Variants in DENND2B observed in about 807,000 individuals in gnomAD.
DENND2B encodes DENN domain containing 2B, also known as DENN domain-containing protein 2B.
DENND2B carries 32 observed loss-of-function variants against 116.0 expected under a neutral mutation model. The observed-to-expected ratio is 0.28, with a 90% CI of 0.21 to 0.37. The LOEUF (loss-of-function observed/expected upper bound fraction) is 0.37, where lower values mean the gene tolerates loss of function less well. DENND2B is among the 10% of genes least tolerant of loss of function. DENND2B has a pLI of 1.00. For synonymous variants in DENND2B, 588 were observed against 583.9 expected (o/e 1.01, Z -0.10); for missense variants, 1,276 against 1,477.7 (o/e 0.86, Z 2.24).
chr11:8,805,999 C>T (rs1026536636), intron 1 of DENND2B, among the ~76,000 whole-genome samples: 2 of 152,136 alleles, frequency 1.3e-5, no homozygotes, highest in African/African-American at 4.8e-5. Flanking sequence ...AGGGCCTGCA[C>T]GACACTGTCA....
At chr11:8,799,106 G>A (rs1338865170) in intron 1 of DENND2B, among the ~76,000 whole-genome samples, 1 of 152,200 alleles carries the variant, frequency 6.6e-6, no homozygotes, top group Non-Finnish European at 1.5e-5. Context: ...ACAGGCCTGA[G>A]CCATTGCACC....
At chr11:8,789,956 G>C (rs1468152281) in intron 1 of DENND2B, among the ~76,000 whole-genome samples, 1 of 152,116 alleles carries the variant, frequency 6.6e-6, no homozygotes, top group Admixed American at 6.6e-5. Flanking sequence ...TTTTGGGGTG[G>C]TCTGGTAGGC....
intron 15 of DENND2B, 71 bp downstream of exon 15, chr11:8,699,142 G>A (rs2041018002): frequency 3.3e-6 from 5 of 1,515,790 alleles, no homozygotes; most frequent in Non-Finnish European, 4.4e-6. Context: ...AGGCCGAGGG[G>A]CCACAAGTAA....
chr11:8,901,524 C>T (rs2064171768), intron 1 of DENND2B, among the ~76,000 whole-genome samples: 1 of 152,080 alleles, frequency 6.6e-6, no homozygotes, highest in African/African-American at 2.4e-5. Context: ...GCCAGCATGC[C>T]CGGCTCCTAG....
At chr11:8,721,418 G>T (rs1165628613) in intron 4 of DENND2B, among the ~76,000 whole-genome samples, 1 of 152,136 alleles carries the variant, frequency 6.6e-6, no homozygotes, top group East Asian at 1.9e-4. Flanking sequence ...ATACGCACAG[G>T]CACTGAGAAT....
chr11:8,732,425 A>C (rs1361725632), intron 2 of DENND2B, among the ~76,000 whole-genome samples: 1 of 152,090 alleles, frequency 6.6e-6, no homozygotes, highest in Admixed American at 6.6e-5. Context: ...CACTGGGCTG[A>C]CTCTCTGAAG....
At chr11:8,839,009 C>A (rs2062530378) in intron 4 of DENND2B, among the ~76,000 whole-genome samples, 1 of 152,154 alleles carries the variant, frequency 6.6e-6, no homozygotes, top group African/African-American at 2.4e-5. Context: ...TGAACTGAAA[C>A]CTGGCTTAGA....
intron 3 of DENND2B, among the ~76,000 whole-genome samples, chr11:8,844,324 C>T (rs959025427): frequency 1.3e-5 from 2 of 152,134 alleles, no homozygotes; most frequent in East Asian, 3.9e-4. Flanking sequence ...GGCTTGAGCC[C>T]GGGAGATCGA....
rs200165373 is a variant in DENND2B at position 8,730,145 on chromosome 11, G to A, written c.1145C>T (p.Pro382Leu). The A allele has an allele frequency of 1.2e-6, 2 of 1,614,096 alleles. No homozygotes were observed. The highest frequency in any genetic ancestry group is 1.3e-5 in the African/African-American group (1 of 74,936). The change falls in exon 3 of 20, where the codon CCC becomes CTC. Residue 382 changes from proline (P) to leucine (L), a missense_variant. Physicochemically the swap from Pro to Leu is moderately conservative, Grantham distance 98 (BLOSUM62 -3). This residue lies in a region of DENND2B where 856 missense variants were observed against 846.6 expected (regional missense o/e 1.01). Coordinates refer to ENST00000313726, the MANE Select transcript of DENND2B (RefSeq NM_213618.2). This position sits in a 1 kb window ranked among gnomAD's most constrained non-coding sequence, Gnocchi z 4.1. The stretch of plus-strand genomic sequence containing the variant: ...GGGTTTGGGGACAGGGTTCACAGCG[G>A]GATCGAGGGAACTCTTCGATGGCAG... Reference protein sequence around the residue: ...QRLPSKSSLDPAVNPVPKPKR... With the variant: ...QRLPSKSSLDLAVNPVPKPKR...
chr11:8,766,513 A>G (rs1287063668), intron 1 of DENND2B: 8 of 903,614 alleles, frequency 8.9e-6, no homozygotes, highest in Admixed American at 7.7e-5. Flanking sequence ...GGCAATGTCC[A>G]CAAGCCAAAT....
rs1232113979 is a variant in DENND2B at position 8,697,905 on chromosome 11, A to G, written c.2941-269T>C. ...ACACTTTGGAAGGCTGAGCGGGAGGATCGCTTGAGCCCAGGAGGGAGTTCG... is the reference window on the plus strand; with the variant it reads ...ACACTTTGGAAGGCTGAGCGGGAGGGTCGCTTGAGCCCAGGAGGGAGTTCG... On this transcript the variant is annotated intron_variant, in intron 16 of 19. Coordinates refer to ENST00000313726, the MANE Select transcript of DENND2B (RefSeq NM_213618.2). 4 of 513,250 alleles carry G rather than the reference A, an allele frequency of 7.8e-6. No homozygotes were observed. In the Admixed American group the frequency reaches 1.1e-4, roughly 14 times the overall value. The allele number at this position is 513,250 out of a possible 1,614,324, so 31.8% of individuals were successfully genotyped here. A position where few individuals can be genotyped will look rare whatever the true frequency, so the allele number is the denominator to read the frequency against.
intron 4 of DENND2B, chr11:8,832,451 CA>C (rs10715263): frequency 0.4 from 39,739 of 99,502 alleles, 4,821 homozygotes; most frequent in Middle Eastern, 0.52. Context: ...ACTCTGTCTC[CA>C]AAAAAAAAAA....
intron 2 of DENND2B, among the ~76,000 whole-genome samples, chr11:8,743,989 T>C (rs563666597): frequency 1.3e-5 from 2 of 152,038 alleles, no homozygotes; most frequent in South Asian, 4.1e-4. Flanking sequence ...GTGCAAGCAA[T>C]CCTCCCACCT....
At chr11:8,760,896 C>A (rs996104272) in intron 1 of DENND2B, among the ~76,000 whole-genome samples, 1 of 152,110 alleles carries the variant, frequency 6.6e-6, no homozygotes, top group African/African-American at 2.4e-5. Flanking sequence ...AGGCTGAAAT[C>A]TCCCTCAATC....
At chr11:8,797,692 C>T (rs1291165813) in intron 1 of DENND2B, among the ~76,000 whole-genome samples, 4 of 152,040 alleles carry the variant, frequency 2.6e-5, no homozygotes, top group Non-Finnish European at 1.5e-5. Flanking sequence ...TCCAGCGATC[C>T]TCCCGCTTCA....
At chr11:8,821,536 G>A (rs562914450) in intron 4 of DENND2B, among the ~76,000 whole-genome samples, 158 of 151,770 alleles carry the variant, frequency 1.0e-3, no homozygotes, top group African/African-American at 3.6e-3. Context: ...CAGTGATCAC[G>A]TCACTGCACT....
chr11:8,761,787 A>G (rs1353355444), intron 1 of DENND2B, among the ~76,000 whole-genome samples: 3 of 151,680 alleles, frequency 2.0e-5, no homozygotes, highest in East Asian at 3.9e-4. Flanking sequence ...TCCGAGTAAG[A>G]CTAGGAAATA....
chr11:8,801,838 A>T (rs542058564), intron 1 of DENND2B, among the ~76,000 whole-genome samples: 3 of 151,180 alleles, frequency 2.0e-5, no homozygotes, highest in South Asian at 2.1e-4. Context: ...CCATCTCTAT[A>T]AAAAAAATTA....
At chr11:8,887,778 C>A (rs371393744) in intron 1 of DENND2B, among the ~76,000 whole-genome samples, 1 of 152,210 alleles carries the variant, frequency 6.6e-6, no homozygotes, top group Non-Finnish European at 1.5e-5. Flanking sequence ...ACATACCTCT[C>A]TACCTGCTAT....
Sources: allele counts gnomAD v4.1 joint callset (sites outside exome capture counted in the v4.1 genomes callset), GRCh38; gene constraint gnomAD v4.1.1; regional missense constraint gnomAD v4.1.1; non-coding constraint Gnocchi (gnomAD v3.1); transcripts MANE v1.5; gene names NCBI Gene and HGNC (gene_info 2026-07-23, HGNC 2026-07-21).